EYA4: variants seen among roughly 807,000 people sequenced by gnomAD.
The protein encoded by EYA4 is EYA transcriptional coactivator and phosphatase 4.
EYA4 carries 31 observed loss-of-function variants against 87.9 expected under a neutral mutation model. That is an observed-to-expected ratio of 0.35 (90% confidence interval 0.27 to 0.48). The LOEUF (loss-of-function observed/expected upper bound fraction) is 0.48, where lower values mean the gene tolerates loss of function less well. Ranked by LOEUF, EYA4 falls within the 20% of genes least tolerant of loss-of-function variation. The pLI, the probability that EYA4 is intolerant of heterozygous loss-of-function variation, is 0.99. For missense variants in EYA4, 678 were observed against 761.4 expected, an observed-to-expected ratio of 0.89 and a Z score of 1.29; for synonymous variants, 263 against 270.6, an observed-to-expected ratio of 0.97 and a Z score of 0.28.
At chr6:133,446,799 T>A in intron 4 of EYA4, 45 bp downstream of exon 4, 1 of 1,595,360 alleles carries the variant, frequency 6.3e-7, no homozygotes, top group Non-Finnish European at 8.6e-7. Context: ...ATTTCAATGT[T>A]TGCTTTAATT....
At position 133,507,842 on chromosome 6, in the gene EYA4, A is replaced by C. The variant is rs567289888; in HGVS notation, c.1281+1647A>C. On this transcript the variant is annotated intron_variant, in intron 14 of 19. Transcript: ENST00000355286. The stretch of plus-strand genomic sequence containing the variant: ...ATTGCTGCAGTAAAAATACATGTGC[A>C]TGTGTCTTTATAGTAGAATGATTAA... Among the ~76,000 whole-genome samples the C allele has an allele frequency of 6.6e-5, 10 of 152,222 alleles. No individual in the cohort carries two copies. In the South Asian group the frequency reaches 2.1e-3, roughly 32 times the overall value.
chr6:133,331,638 C>G (rs1157127992), intron 2 of EYA4, among the ~76,000 whole-genome samples: 1 of 152,188 alleles, frequency 6.6e-6, no homozygotes, highest in Non-Finnish European at 1.5e-5. Flanking sequence ...GCTTTTTATA[C>G]AGCCATGCTG....
At chr6:133,503,602 A>G (rs1389358200) in intron 13 of EYA4, among the ~76,000 whole-genome samples, 9 of 152,178 alleles carry the variant, frequency 5.9e-5, no homozygotes, top group Non-Finnish European at 1.0e-4. Flanking sequence ...TGCTATAATT[A>G]CATTTGATTT....
chr6:133,283,636 A>C (rs1777803155), intron 2 of EYA4, among the ~76,000 whole-genome samples: 1 of 152,168 alleles, frequency 6.6e-6, no homozygotes, highest in South Asian at 2.1e-4. Context: ...ATGCTGATGG[A>C]ATATGAACTC....
rs182846319 is a variant in EYA4 at position 133,388,680 on chromosome 6, A to T, written c.83+6239A>T. Among the ~76,000 whole-genome samples the T allele has an allele frequency of 5.8e-4, 89 of 152,280 alleles. 1 individual carries two copies. Among genetic ancestry groups the T allele is most frequent in the African/African-American group, 1.9e-3 (81 of 41,558 alleles). On this transcript the variant is annotated intron_variant, in intron 3 of 19. Transcript: ENST00000355286. ...GTTACTCAGAGAATAGTTGCTTATT[A>T]TGTGTTTAAATTGAAGAAGACTCAT...
At chr6:133,243,330 T>C (rs1300588665) in intron 1 of EYA4, among the ~76,000 whole-genome samples, 1 of 152,210 alleles carries the variant, frequency 6.6e-6, no homozygotes, top group Non-Finnish European at 1.5e-5. Flanking sequence ...GGGATCAACG[T>C]AATTGTTGGA....
At chr6:133,396,881 T>C (rs212802) in intron 3 of EYA4, among the ~76,000 whole-genome samples, 120,845 of 152,118 alleles carry the variant, frequency 0.79, 51,377 homozygotes, top group Non-Finnish European at 0.95. Context: ...CAGTAGCAGT[T>C]CCAGTCACAG....
chr6:133,302,268 G>A (rs181287834), intron 2 of EYA4, among the ~76,000 whole-genome samples: 13 of 152,144 alleles, frequency 8.5e-5, no homozygotes, highest in Admixed American at 7.2e-4. Flanking sequence ...TCTAGCAATG[G>A]TGTAGAAGTT....
chr6:133,528,614 C>T (rs1800820193), intron 19 of EYA4, 111 bp from the exon 20 acceptor site: 1 of 851,672 alleles, frequency 1.2e-6, no homozygotes. Flanking sequence ...CTTGGGTGGA[C>T]CACACATCCC....
At chr6:133,346,114 T>G (rs549594409) in intron 2 of EYA4, among the ~76,000 whole-genome samples, 53 of 152,354 alleles carry the variant, frequency 3.5e-4, no homozygotes, top group African/African-American at 1.3e-3. Context: ...GGAAAACTAC[T>G]TTTGGAGAAA....
At chr6:133,286,310 T>TGTAA (rs1292650287) in intron 2 of EYA4, among the ~76,000 whole-genome samples, 1 of 152,206 alleles carries the variant, frequency 6.6e-6, no homozygotes, top group East Asian at 1.9e-4. Flanking sequence ...ATGCATCAGA[T>TGTAA]GTAACCATTG....
intron 7 of EYA4, among the ~76,000 whole-genome samples, chr6:133,461,871 A>G (rs987402580): frequency 9.7e-5 from 14 of 144,562 alleles, no homozygotes; most frequent in African/African-American, 3.3e-4. Flanking sequence ...TAAATTTCCA[A>G]TTCTTGGGAG....
chr6:133,276,091 T>C (rs887727102), intron 2 of EYA4, among the ~76,000 whole-genome samples: 2 of 152,204 alleles, frequency 1.3e-5, no homozygotes, highest in African/African-American at 4.8e-5. Flanking sequence ...CAGAAGTCTG[T>C]CTGTGTGACT....
intron 1 of EYA4, among the ~76,000 whole-genome samples, chr6:133,269,926 A>G (rs1050452538): frequency 6.6e-6 from 1 of 152,208 alleles, no homozygotes; most frequent in African/African-American, 2.4e-5. Context: ...GCGAGTCCCA[A>G]AACTGAAGCA....
Position 133,265,898 on chromosome 6 carries a change from G to A in EYA4, c.-65-8818G>A, listed in dbSNP as rs190725226. 3.3e-5 allele frequency among the ~76,000 whole-genome samples: 5 copies of A among 152,242 alleles called. No homozygotes were observed. The East Asian group carries it at 5.8e-4, about 18-fold the overall frequency. ...TGAAGTCTTATTTAATTTCACTTGC[G>A]TTAGCAACAGTACTCTGAGATGGTG... is the stretch of plus-strand genomic sequence containing the variant. On this transcript the variant is annotated intron_variant, in intron 1 of 19. Transcript: ENST00000355286.
chr6:133,267,161 C>G (rs1003941837), intron 1 of EYA4, among the ~76,000 whole-genome samples: 5 of 152,036 alleles, frequency 3.3e-5, no homozygotes, highest in African/African-American at 1.2e-4. Flanking sequence ...TTACTTTGTG[C>G]TTCTGTATTA....
intron 6 of EYA4, among the ~76,000 whole-genome samples, chr6:133,459,174 T>A (rs1794160976): frequency 6.6e-6 from 1 of 152,190 alleles, no homozygotes; most frequent in Admixed American, 6.6e-5. Flanking sequence ...TAAACTTTCC[T>A]ACGTGAACAT....
chr6:133,358,550 T>C (rs1784237812), intron 2 of EYA4, among the ~76,000 whole-genome samples: 1 of 152,314 alleles, frequency 6.6e-6, no homozygotes, highest in East Asian at 1.9e-4. Flanking sequence ...GCACCAAACA[T>C]TTTTTTCTAG....
At chr6:133,443,048 A>C (rs1328258361) in intron 3 of EYA4, among the ~76,000 whole-genome samples, 5 of 151,894 alleles carry the variant, frequency 3.3e-5, no homozygotes, top group Non-Finnish European at 7.4e-5. Flanking sequence ...TTTCTCATCT[A>C]TGTTTATAAG....
Sources: allele counts gnomAD v4.1 joint callset (sites outside exome capture counted in the v4.1 genomes callset), GRCh38; gene constraint gnomAD v4.1.1; transcripts MANE v1.5; gene names NCBI Gene and HGNC (gene_info 2026-07-23, HGNC 2026-07-21).